TRIM36: variants seen among roughly 807,000 people sequenced by gnomAD.
TRIM36 encodes the protein E3 ubiquitin-protein ligase TRIM36.
TRIM36 carries 42 observed loss-of-function variants against 72.4 expected under a neutral mutation model. The ratio of observed to expected loss-of-function variants is 0.58; its 90% CI spans 0.45 to 0.75. The LOEUF is 0.75. TRIM36 is among the 30% of genes least tolerant of loss of function. The pLI, the probability that TRIM36 is intolerant of heterozygous loss-of-function variation, is 0.00. For synonymous variants in TRIM36, 315 were observed against 282.8 expected (o/e 1.11, Z -1.14); for missense variants, 913 against 857.1 (o/e 1.07, Z -0.81).
rs538041941 is a variant in TRIM36 at position 115,176,431 on chromosome 5, C to T, written c.63+3544G>A. On this transcript the variant is annotated intron_variant, in intron 1 of 9. Coordinates refer to the TRIM36 transcript ENST00000282369. ...GATGTTCAAAGTTAAAATAATTCAC[C>T]AAGTAATGGTATCATTGCCTATTTC... Among the ~76,000 whole-genome samples the T allele has an allele frequency of 8.5e-5, 13 of 152,110 alleles. No individual in the cohort carries two copies. The South Asian group carries it at 2.3e-3, about 27-fold the overall frequency.
chr5:115,147,814 C>T (rs1178302930), intron 2 of TRIM36, among the ~76,000 whole-genome samples: 1 of 152,162 alleles, frequency 6.6e-6, no homozygotes, highest in Non-Finnish European at 1.5e-5. Context: ...TGAATCGATA[C>T]ATAAAAGAGC....
intron 7 of TRIM36, among the ~76,000 whole-genome samples, chr5:115,134,520 T>C (rs1192069277): frequency 2.0e-5 from 3 of 149,762 alleles, no homozygotes; most frequent in Admixed American, 1.4e-4. Context: ...AATCTAAGTC[T>C]GGTAAGAATA....
chr5:115,177,700 C>T (rs1755398496), intron 1 of TRIM36: 1 of 1,613,544 alleles, frequency 6.2e-7, no homozygotes, highest in African/African-American at 1.3e-5. Flanking sequence ...GAGCCTACTC[C>T]AGACCAACTC....
intron 7 of TRIM36, among the ~76,000 whole-genome samples, chr5:115,136,193 A>AATAGGG (rs1361338769): frequency 5.3e-5 from 8 of 152,106 alleles, no homozygotes; most frequent in Non-Finnish European, 1.0e-4. Context: ...TGTATTTTAA[A>AATAGGG]ATAGGGTCTT....
chr5:115,152,880 C>T (rs1033849879), intron 2 of TRIM36, among the ~76,000 whole-genome samples: 1 of 152,100 alleles, frequency 6.6e-6, no homozygotes, highest in South Asian at 2.1e-4. Flanking sequence ...AATCTTGAAA[C>T]AAATCCTGGA....
intron 2 of TRIM36, among the ~76,000 whole-genome samples, chr5:115,154,630 A>C (rs747999488): frequency 6.6e-6 from 1 of 152,192 alleles, no homozygotes; most frequent in Non-Finnish European, 1.5e-5. Flanking sequence ...TCATAGCTTA[A>C]ATTAGGAAGA....
chr5:115,179,674 T>TC (rs1225626123), intron 1 of TRIM36, among the ~76,000 whole-genome samples: 7 of 152,182 alleles, frequency 4.6e-5, no homozygotes, highest in Admixed American at 2.0e-4. Flanking sequence ...CGCCCTCCTC[T>TC]CCATCTTCCG....
At chr5:115,169,219 A>C (rs1754957072) in intron 1 of TRIM36, 4 of 189,874 alleles carry the variant, frequency 2.1e-5, no homozygotes, top group East Asian at 1.2e-4. Context: ...CAAGACGCCT[A>C]GACAAAGGGC....
chr5:115,134,349 A>G (rs1752852955), intron 7 of TRIM36, among the ~76,000 whole-genome samples: 1 of 152,012 alleles, frequency 6.6e-6, no homozygotes, highest in South Asian at 2.1e-4. Context: ...CTATATTTGT[A>G]ACTGAAAGGA....
At chr5:115,172,073 T>C (rs1755139841), upstream of TRIM36, among the ~76,000 whole-genome samples, 1 of 152,232 alleles carries the variant, frequency 6.6e-6, no homozygotes, top group Non-Finnish European at 1.5e-5. Flanking sequence ...TTGAATATTT[T>C]TGTGCCTCAA....
chr5:115,173,120 A>C (rs1176442825), upstream of TRIM36, among the ~76,000 whole-genome samples: 1 of 152,172 alleles, frequency 6.6e-6, no homozygotes, highest in Non-Finnish European at 1.5e-5. Context: ...TCAAGTCATC[A>C]ACTTCTCTGT....
chr5:115,167,055 G>C (rs1754818814), intron 1 of TRIM36, among the ~76,000 whole-genome samples: 1 of 152,232 alleles, frequency 6.6e-6, no homozygotes, highest in Non-Finnish European at 1.5e-5. Context: ...AGCACAGCCT[G>C]CTGGGTCAAG....
At chr5:115,144,495 A>G (rs966254793) in intron 4 of TRIM36, 103 bp downstream of exon 4, 3 of 1,384,086 alleles carry the variant, frequency 2.2e-6, no homozygotes, top group Non-Finnish European at 3.0e-6. Flanking sequence ...TCATTTTAGT[A>G]CAAAAGAGAC....
rs565381161 is a variant in TRIM36, at chr5:115,151,411, C to T, written c.263-4017G>A. Among the ~76,000 whole-genome samples the T allele has an allele frequency of 2.6e-5, 4 of 152,208 alleles. No individual in the cohort carries two copies. In the Middle Eastern group the frequency reaches 0.01, roughly 391 times the overall value. ...GGAGAGTCTGAGCTCAGACACGCCT[C>T]GCCCTGCCCCCACCCAGGGGTCTTT... is the stretch of plus-strand genomic sequence containing the variant. On this transcript the variant is annotated intron_variant, in intron 2 of 9. Transcript: ENST00000513154.
At chr5:115,157,557 T>C (rs1754243241) in intron 2 of TRIM36, among the ~76,000 whole-genome samples, 1 of 151,524 alleles carries the variant, frequency 6.6e-6, no homozygotes, top group Non-Finnish European at 1.5e-5. Context: ...ACAGCGAAAC[T>C]CTATCTCAAA....
chr5:115,135,200 T>C (rs1011034875), intron 7 of TRIM36, among the ~76,000 whole-genome samples: 1 of 152,190 alleles, frequency 6.6e-6, no homozygotes, highest in Non-Finnish European at 1.5e-5. Flanking sequence ...AATCATATGC[T>C]AAGAACAATA....
At chr5:115,133,188 G>A (rs982135702) in intron 8 of TRIM36, among the ~76,000 whole-genome samples, 1 of 152,156 alleles carries the variant, frequency 6.6e-6, no homozygotes, top group African/African-American at 2.4e-5. Context: ...CACAATTTTG[G>A]TTCTAAATAT....
chr5:115,172,562 C>T (rs557141338), upstream of TRIM36, among the ~76,000 whole-genome samples: 11 of 152,146 alleles, frequency 7.2e-5, no homozygotes, highest in African/African-American at 2.6e-4. Flanking sequence ...ATGGTGAAAC[C>T]CCCCCTTTAC....
upstream of TRIM36, among the ~76,000 whole-genome samples, chr5:115,171,991 G>C (rs115328585): frequency 0.03 from 4,505 of 152,230 alleles, 210 homozygotes; most frequent in African/African-American, 0.1. Context: ...GTCTAGATTT[G>C]AGGACTTTCT....
Sources: gnomAD v4.1 joint callset for allele counts (sites outside exome capture counted in the v4.1 genomes callset) on GRCh38, gnomAD v4.1.1 for gene constraint, MANE v1.5 for transcripts, NCBI Gene and HGNC (gene_info 2026-07-23, HGNC 2026-07-21) for gene names.